Variants in SMC2 observed in about 807,000 individuals in gnomAD.
SMC2 encodes the protein structural maintenance of chromosomes 2, also known as structural maintenance of chromosomes protein 2.
In SMC2, 41 loss-of-function variants were observed where a neutral mutation model predicts 142.6. The observed-to-expected ratio is 0.29, with a 90% CI of 0.22 to 0.37. SMC2 has a LOEUF of 0.37. SMC2 is among the 10% of genes least tolerant of loss of function. The probability of loss-of-function intolerance (pLI) is 1.00; values close to 1 mark genes in which losing one functional copy is unlikely to be tolerated. For missense variants in SMC2, 1,265 were observed against 1,373.7 expected (o/e 0.92, Z 1.25); for synonymous variants, 463 against 457.5 (o/e 1.01, Z -0.15).
At chr9:104,114,129 TTTTA>T in intron 12 of SMC2, 48 bp downstream of exon 12, 1 of 1,161,124 alleles carries the variant, frequency 8.6e-7, no homozygotes, top group Non-Finnish European at 1.2e-6. Flanking sequence ...ATCAAGACAT[TTTTA>T]TTTAAGCTGG....
chr9:104,102,221 A>G (rs1380691875), intron 8 of SMC2, 28 bp downstream of exon 8: 1 of 1,327,968 alleles, frequency 7.5e-7, no homozygotes, highest in Admixed American at 2.1e-5. Flanking sequence ...AGAATCGATA[A>G]TATACTCTGT....
rs1564109644 is a variant in SMC2 at position 104,127,465 on chromosome 9, A to T, written c.2775A>T (p.Glu925Asp). Residue 925 changes from glutamate (E) to aspartate (D), a missense_variant, in exon 20 of 25, where the codon GAA becomes GAT. Physicochemically the swap from Glu to Asp is conservative, Grantham distance 45. Around this residue, in one of 4 missense-constraint regions of SMC2, gnomAD observed 898 missense variants for 904.2 expected, o/e 0.99. Coordinates refer to ENST00000374793, the MANE Select transcript of SMC2 (RefSeq NM_006444.3). ...TCAGCAAACATAAACGGGAGGCTGA[A>T]GATGGTGCTGCAAAGGTATACGTTT... is the stretch of plus-strand genomic sequence containing the variant. ...HNISKHKREAEDGAAKVSKML... is the reference protein window; with the variant it reads ...HNISKHKREADDGAAKVSKML... 1.9e-6 allele frequency: 3 copies of T among 1,609,566 alleles called. No individual in the cohort carries two copies. In the East Asian group the frequency reaches 6.7e-5, roughly 36 times the overall value.
rs779467663 is a variant in SMC2 at position 104,127,355 on chromosome 9, A to G, written c.2665A>G (p.Ile889Val). ...GGTGATAACAGCCCAAGACACTGTA[A>G]TTAAAGCTAAATATGCAGAAGTGGC... ...KEVITAQDTV[I>V]KAKYAEVAKH... The change falls in exon 20 of 25, where the codon ATT (isoleucine) becomes GTT (valine). Residue 889 changes from isoleucine to valine, a missense_variant. By Grantham distance (29) the Ile-to-Val change is conservative. This residue lies in a region of SMC2 where 898 missense variants were observed against 904.2 expected (regional missense o/e 0.99). Transcript: ENST00000374793. 3 of 1,613,796 alleles carry G rather than the reference A, an allele frequency of 1.9e-6. No individual in the cohort carries two copies. The highest frequency in any genetic ancestry group is 2.5e-6 in the Non-Finnish European group (3 of 1,179,842).
intron 2 of SMC2, among the ~76,000 whole-genome samples, chr9:104,095,776 T>A (rs777537731): frequency 1.3e-5 from 2 of 152,252 alleles, no homozygotes; most frequent in Non-Finnish European, 2.9e-5. Context: ...GCATTCTGAC[T>A]GTAAAGCAGT....
intron 9 of SMC2, among the ~76,000 whole-genome samples, chr9:104,109,672 A>C (rs182848216): frequency 1.3e-5 from 2 of 152,336 alleles, no homozygotes; most frequent in East Asian, 3.9e-4. Flanking sequence ...CTCAATAAAT[A>C]TATTGGAAAA....
intron 14 of SMC2, among the ~76,000 whole-genome samples, chr9:104,117,506 A>G (rs920469840): frequency 6.6e-6 from 1 of 152,214 alleles, no homozygotes; most frequent in African/African-American, 2.4e-5. Flanking sequence ...GATTTTTTAA[A>G]TTACTTTTAC....
In SMC2 at chr9:104,140,515, C is replaced by G. The variant is rs1204538825; in HGVS notation, c.*1200C>G. 6.6e-6 allele frequency: 1 copy of G among 152,418 alleles called. No individual in the cohort carries two copies. Among genetic ancestry groups the G allele is most frequent in the Non-Finnish European group, 1.5e-5 (1 of 67,976 alleles). The allele number at this position is 152,418 out of a possible 1,614,324, so 9.4% of individuals were successfully genotyped here. A position where few individuals can be genotyped will look rare whatever the true frequency, so the allele number is the denominator to read the frequency against. Reference sequence around the variant, plus strand: ...TTCCTTAGTGTTATTATCATACTTCCCCTGATATATGGCCGTACTTCCTGG... The same window carrying G: ...TTCCTTAGTGTTATTATCATACTTCGCCTGATATATGGCCGTACTTCCTGG... On this transcript the variant is annotated 3_prime_UTR_variant, in exon 25 of 25. Coordinates refer to ENST00000374793, the MANE Select transcript of SMC2 (RefSeq NM_006444.3).
rs76230005 is a variant in SMC2, at chr9:104,103,631, G to T, written c.1020+1058G>T. On this transcript the variant is annotated intron_variant, in intron 9 of 24. Coordinates refer to ENST00000374793, the MANE Select transcript of SMC2 (RefSeq NM_006444.3). ...TGGTAACAGAAGAGTCAAGTATATA[G>T]TCTCACATGTAGGTAGATGAGTAGG... Among the ~76,000 whole-genome samples the T allele has an allele frequency of 5.4e-3, 830 of 152,300 alleles. 2 individuals are homozygous for T. The highest frequency in any genetic ancestry group is 0.015 in the East Asian group (79 of 5,170).
chr9:104,123,679 A>G (rs1453636525), intron 17 of SMC2, among the ~76,000 whole-genome samples: 1 of 151,644 alleles, frequency 6.6e-6, no homozygotes, highest in Non-Finnish European at 1.5e-5. Flanking sequence ...TTTTTTTCCC[A>G]CTGTTCTCAT....
chr9:104,095,269 A>G (rs1830327022), intron 1 of SMC2, 55 bp from the exon 2 acceptor site: 4 of 805,540 alleles, frequency 5.0e-6, no homozygotes, highest in Non-Finnish European at 8.0e-6. Flanking sequence ...CCTCGTGTTC[A>G]TTATGATTCC....
intron 14 of SMC2, among the ~76,000 whole-genome samples, chr9:104,117,057 A>T (rs1355158577): frequency 6.6e-6 from 1 of 152,192 alleles, no homozygotes; most frequent in East Asian, 1.9e-4. Flanking sequence ...AGTTACATTC[A>T]GAAGATTTCA....
chr9:104,114,169 C>T (rs1442517337), intron 12 of SMC2, 88 bp downstream of exon 12: 1 of 743,612 alleles, frequency 1.3e-6, no homozygotes, highest in African/African-American at 1.9e-5. Flanking sequence ...TTTGTCGAAA[C>T]CAAGATTTTT....
chr9:104,088,264 C>A, the SMC2 span, among the ~76,000 whole-genome samples: 1 of 151,504 alleles, frequency 6.6e-6, no homozygotes, highest in Non-Finnish European at 1.5e-5. Flanking sequence ...GTATTTTTTT[C>A]TTTTTTAAAC....
chr9:104,129,729 A>G lies in SMC2; in HGVS notation c.2875A>G (p.Thr959Ala), dbSNP rs559828856. ...ACCCAATAGTGCCTATGATTTCAAA[A>G]CTAACAACCCTAAAGAAGCTGGTCA... ...GQPNSAYDFK[T>A]NNPKEAGQRL... The change falls in exon 21 of 25, where the codon ACT (threonine) becomes GCT (alanine). Residue 959 changes from threonine to alanine, a missense_variant. Transcript: ENST00000374793. 3.1e-6 allele frequency: 5 copies of G among 1,614,012 alleles called. No homozygotes were observed. In the South Asian group the frequency reaches 4.4e-5, roughly 14 times the overall value.
At chr9:104,102,661 G>A in intron 9 of SMC2, 88 bp downstream of exon 9, 1 of 1,324,986 alleles carries the variant, frequency 7.5e-7, no homozygotes, top group Non-Finnish European at 1.0e-6. Flanking sequence ...TGAATATTTA[G>A]TGAGTGTCTT....
intron 21 of SMC2, among the ~76,000 whole-genome samples, chr9:104,130,281 A>C (rs1005648753): frequency 6.6e-6 from 1 of 152,134 alleles, no homozygotes; most frequent in African/African-American, 2.4e-5. Context: ...AATGCTCTCA[A>C]TTACTCAATA....
intron 8 of SMC2, 105 bp from the exon 9 acceptor site, chr9:104,102,316 GATA>G: frequency 8.7e-7 from 1 of 1,144,032 alleles, no homozygotes; most frequent in Non-Finnish European, 1.2e-6. Flanking sequence ...CTTATAGTAA[GATA>G]ATGAAATAAC....
At chr9:104,110,586 T>C (rs1832322796) in intron 9 of SMC2, among the ~76,000 whole-genome samples, 1 of 138,352 alleles carries the variant, frequency 7.2e-6, no homozygotes, top group Non-Finnish European at 1.5e-5. Context: ...AACTCCCATG[T>C]TTAAGGATCA....
At chr9:104,108,270 T>G (rs1425282105) in intron 9 of SMC2, among the ~76,000 whole-genome samples, 2 of 152,198 alleles carry the variant, frequency 1.3e-5, no homozygotes, top group African/African-American at 4.8e-5. Context: ...TTTCTCATCT[T>G]GACAGGAGTA....
Sources: allele counts gnomAD v4.1 joint callset (sites outside exome capture counted in the v4.1 genomes callset), GRCh38; gene constraint gnomAD v4.1.1; regional missense constraint gnomAD v4.1.1; transcripts MANE v1.5; gene names NCBI Gene and HGNC (gene_info 2026-07-23, HGNC 2026-07-21).